The following MED16 variants were observed in gnomAD, a reference collection of about 807,000 sequenced individuals.
The protein encoded by MED16 is mediator of RNA polymerase II transcription subunit 16.
A neutral mutation model predicts 84.4 loss-of-function variants in MED16; 81 were observed. That is an observed-to-expected ratio of 0.96 (90% CI 0.80 to 1.15). The LOEUF is 1.15. MED16 is among the 50% of genes most tolerant of loss of function. The probability of loss-of-function intolerance (pLI) is 0.00; values close to 1 mark genes in which losing one functional copy is unlikely to be tolerated. For synonymous variants in MED16, 897 were observed against 552.2 expected, an observed-to-expected ratio of 1.62 and a Z score of -8.76; for missense variants, 1,585 against 1,245.9, an observed-to-expected ratio of 1.27 and a Z score of -4.10.
chr19:881,763 G>A (rs1242761388), intron 6 of MED16, 49 bp from the exon 7 acceptor site: 6 of 1,582,464 alleles, frequency 3.8e-6, no homozygotes, highest in East Asian at 2.2e-5. Context: ...GTAAAGACAG[G>A]CTGAGACAGC....
intron 12 of MED16, chr19:871,493 T>C: frequency 6.7e-7 from 1 of 1,498,042 alleles, no homozygotes; most frequent in Non-Finnish European, 9.0e-7. Flanking sequence ...CTCATTCACT[T>C]AAAAAGTATG....
chr19:878,661 C>T (rs1341362369), intron 8 of MED16, among the ~76,000 whole-genome samples: 3 of 144,514 alleles, frequency 2.1e-5, no homozygotes, highest in African/African-American at 5.2e-5. Flanking sequence ...TCACCTTCCC[C>T]TGGTTGTCAA....
chr19:871,319 T>G, intron 12 of MED16, 66 bp from the exon 13 acceptor site: 1 of 1,459,782 alleles, frequency 6.9e-7, no homozygotes, highest in Non-Finnish European at 9.2e-7. Flanking sequence ...ACCCGGGACG[T>G]GCTGGGAGCC....
In MED16 at chr19:876,236, C is replaced by G. The variant is rs550201621; in HGVS notation, c.1560+738G>C. On this transcript the variant is annotated intron_variant, in intron 9 of 15. Coordinates refer to ENST00000325464, the MANE Select transcript of MED16 (RefSeq NM_005481.3). ...GTCCCACGTGCAGCTGCCGGCTGAGCTCGTTAGATCTGAGGTCCTTCGAGG... is the reference window on the plus strand; with the variant it reads ...GTCCCACGTGCAGCTGCCGGCTGAGGTCGTTAGATCTGAGGTCCTTCGAGG... Among the ~76,000 whole-genome samples the G allele has an allele frequency of 4.1e-4, 62 of 152,222 alleles. 1 individual carries two copies. The highest frequency in any genetic ancestry group is 1.4e-3 in the African/African-American group (57 of 41,514).
Position 889,842 on chromosome 19 carries a change from G to A in MED16, c.278-35C>T, listed in dbSNP as rs772846012. The A allele has an allele frequency of 1.6e-5, 26 of 1,584,604 alleles. No homozygotes were observed. In the South Asian group the frequency reaches 2.6e-4, roughly 16 times the overall value. ...AGAAGCCATCATTGCGAACCTTCCA[G>A]GGATGGGCAGAGCACTGCGTTGCAG... On this transcript the variant is annotated intron_variant, in intron 3 of 15. Transcript: ENST00000325464.
chr19:868,741 C>G, intron 14 of MED16, 122 bp downstream of exon 14: 1 of 1,171,338 alleles, frequency 8.5e-7, no homozygotes, highest in Non-Finnish European at 1.2e-6. Context: ...CTCCAACACT[C>G]CCTCTGGGAC....
chr19:889,416 G>A (rs1252817997), intron 4 of MED16, among the ~76,000 whole-genome samples: 2 of 152,168 alleles, frequency 1.3e-5, no homozygotes, highest in African/African-American at 4.8e-5. Flanking sequence ...AGGTGCCAAT[G>A]ACAGCCAGAC....
chr19:872,410 G>A (rs972334403), intron 11 of MED16, among the ~76,000 whole-genome samples: 1 of 152,058 alleles, frequency 6.6e-6, no homozygotes, highest in Non-Finnish European at 1.5e-5. Flanking sequence ...GCACGTGGAG[G>A]AGCAGCCGCC....
In MED16 at chr19:871,962, G is replaced by C. The variant is rs145164398; in HGVS notation, c.2062C>G (p.Leu688Val). The C allele has an allele frequency of 1.1e-5, 17 of 1,606,410 alleles. No homozygotes were observed. The highest frequency in any genetic ancestry group is 1.7e-4 in the Middle Eastern group (1 of 6,046). ...AGCTTGGTGAGCAGGCGGAAGAGCA[G>C]GGACATGCTGTCCTGGGTATCCGAG... ...ATSDTQDSMS[L>V]LFRLLTKLWI... The change falls in exon 12 of 16, where the codon CTG becomes GTG. Residue 688 changes from leucine (L) to valine (V), a missense_variant. By Grantham distance (32) the Leu-to-Val change is conservative (BLOSUM62 1). Coordinates refer to ENST00000325464, the MANE Select transcript of MED16 (RefSeq NM_005481.3).
chr19:874,980 T>C lies in MED16; in HGVS notation c.1771+264A>G, dbSNP rs537604557. ...GAGTTCGAGACCAGCCTGGCCAACA[T>C]GGTGAAACCCCGTCTCTACTAAAAA... On this transcript the variant is annotated intron_variant, in intron 10 of 15. Transcript: ENST00000325464. 1.5e-3 allele frequency among the ~76,000 whole-genome samples: 222 copies of C among 150,326 alleles called. 1 individual carries two copies. The highest frequency in any genetic ancestry group is 5.2e-3 in the African/African-American group (210 of 40,752).
At chr19:879,419 G>T (rs1279755582) in intron 8 of MED16, among the ~76,000 whole-genome samples, 1 of 113,566 alleles carries the variant, frequency 8.8e-6, no homozygotes. Context: ...GGTTGTCAAT[G>T]CCCACCAACC....
intron 4 of MED16, among the ~76,000 whole-genome samples, chr19:886,768 G>A (rs999040820): frequency 6.6e-6 from 1 of 152,298 alleles, no homozygotes; most frequent in African/African-American, 2.4e-5. Flanking sequence ...TTCTTTCAAC[G>A]TGAGTCTTTT....
At chr19:871,719 C>T in intron 12 of MED16, 9 of 1,109,576 alleles carry the variant, frequency 8.1e-6, no homozygotes, top group Non-Finnish European at 1.1e-5. Context: ...GGCTTATGTT[C>T]TGGCGGGGGG....
intron 7 of MED16, among the ~76,000 whole-genome samples, chr19:881,125 G>A (rs2036412610): frequency 1.3e-5 from 2 of 151,762 alleles, no homozygotes; most frequent in African/African-American, 4.9e-5. Flanking sequence ...AGCTAGGGCC[G>A]ACTTGTCCAC....
At chr19:888,785 G>C (rs1318239842) in intron 4 of MED16, among the ~76,000 whole-genome samples, 2 of 152,174 alleles carry the variant, frequency 1.3e-5, no homozygotes, top group Non-Finnish European at 2.9e-5. Flanking sequence ...GCAATGCGCC[G>C]ACAATGGCAG....
At chr19:883,212 G>A (rs957889894) in intron 6 of MED16, among the ~76,000 whole-genome samples, 1 of 152,018 alleles carries the variant, frequency 6.6e-6, no homozygotes, top group African/African-American at 2.4e-5. Flanking sequence ...GTGAAGAGCT[G>A]GGCATGGTAG....
intron 4 of MED16, among the ~76,000 whole-genome samples, chr19:888,161 G>C (rs2930904): frequency 6.7e-6 from 1 of 149,634 alleles, no homozygotes; most frequent in South Asian, 2.1e-4. Context: ...CCGAGATCGC[G>C]CCACTACACT....
intron 1 of MED16, among the ~76,000 whole-genome samples, chr19:891,856 C>T (rs1440416592): frequency 1.9e-5 from 2 of 103,604 alleles, no homozygotes; most frequent in African/African-American, 4.0e-5. Context: ...CTGAGTGTGA[C>T]GGGGAACACC....
At chr19:889,912 G>A (rs772865068) in intron 3 of MED16, 105 bp from the exon 4 acceptor site, 42 of 1,357,744 alleles carry the variant, frequency 3.1e-5, no homozygotes, top group Non-Finnish European at 3.8e-5. Context: ...GAGAGGTCTC[G>A]GCCCAGGTAG....
Sources: gnomAD v4.1 joint callset for allele counts (sites outside exome capture counted in the v4.1 genomes callset) on GRCh38, gnomAD v4.1.1 for gene constraint, MANE v1.5 for transcripts, NCBI Gene and HGNC (gene_info 2026-07-23, HGNC 2026-07-21) for gene names.